Variants in RBMS3 observed in about 807,000 individuals in gnomAD.
RBMS3 encodes RNA binding motif single stranded interacting protein 3.
RBMS3 carries 27 observed loss-of-function variants against 66.8 expected under a neutral mutation model. The observed-to-expected ratio is 0.40, with a 90% CI of 0.30 to 0.56. RBMS3 has a LOEUF of 0.56. RBMS3 is among the 20% of genes least tolerant of loss of function. The pLI is 0.40. For synonymous variants in RBMS3, 188 were observed against 183.0 expected, an observed-to-expected ratio of 1.03 and a Z score of -0.22; for missense variants, 513 against 549.5, an observed-to-expected ratio of 0.93 and a Z score of 0.66.
intron 12 of RBMS3, among the ~76,000 whole-genome samples, chr3:29,949,307 T>C (rs1308095138): frequency 6.6e-6 from 1 of 151,750 alleles, no homozygotes; most frequent in Non-Finnish European, 1.5e-5. Context: ...AGTAAATATT[T>C]TAGGCTTTGC....
intron 4 of RBMS3, among the ~76,000 whole-genome samples, chr3:29,694,576 G>A (rs915270890): frequency 2.0e-5 from 3 of 152,110 alleles, no homozygotes; most frequent in Admixed American, 2.0e-4. Context: ...TTGTATATCC[G>A]TATATGGATG....
chr3:29,665,121 T>G (rs1427773970), intron 4 of RBMS3, among the ~76,000 whole-genome samples: 2 of 152,202 alleles, frequency 1.3e-5, no homozygotes, highest in African/African-American at 4.8e-5. Flanking sequence ...GAATTAAGCA[T>G]ATCCAGTCTT....
chr3:29,901,283 C>T (rs1173418811), intron 10 of RBMS3, among the ~76,000 whole-genome samples: 2 of 151,750 alleles, frequency 1.3e-5, no homozygotes, highest in Non-Finnish European at 2.9e-5. Context: ...GAAGTCCTGC[C>T]AAGTTCTCAA....
intron 3 of RBMS3, among the ~76,000 whole-genome samples, chr3:29,498,820 T>A (rs1225605123): frequency 6.6e-6 from 1 of 152,196 alleles, no homozygotes; most frequent in Non-Finnish European, 1.5e-5. Context: ...TGTATGTAAC[T>A]TACATAATTT....
intron 4 of RBMS3, among the ~76,000 whole-genome samples, chr3:29,677,554 GT>G (rs771836249): frequency 1.3e-5 from 2 of 151,858 alleles, no homozygotes; most frequent in Non-Finnish European, 2.9e-5. Flanking sequence ...CACTTTATAG[GT>G]GACTCATTTT....
At chr3:29,460,518 T>C (rs145118992) in intron 2 of RBMS3, among the ~76,000 whole-genome samples, 182 of 152,324 alleles carry the variant, frequency 1.2e-3, no homozygotes, top group African/African-American at 4.3e-3. Flanking sequence ...ATGAATTGCA[T>C]TTTTAATAAG....
intron 6 of RBMS3, among the ~76,000 whole-genome samples, chr3:29,823,007 C>A (rs889342054): frequency 6.6e-6 from 1 of 152,060 alleles, no homozygotes; most frequent in Non-Finnish European, 1.5e-5. Flanking sequence ...AAAGTAAATA[C>A]CTCACTTTTT....
At chr3:29,611,242 G>T (rs1013693290) in intron 4 of RBMS3, among the ~76,000 whole-genome samples, 6 of 152,014 alleles carry the variant, frequency 3.9e-5, no homozygotes, top group African/African-American at 1.4e-4. Flanking sequence ...ATTTAACAAA[G>T]AAGCCCTGTA....
At chr3:29,342,240 T>A (rs2036319393) in intron 1 of RBMS3, among the ~76,000 whole-genome samples, 1 of 152,142 alleles carries the variant, frequency 6.6e-6, no homozygotes, top group African/African-American at 2.4e-5. Flanking sequence ...ATTTACTAGA[T>A]CATCCGAGGA....
chr3:29,702,370 C>G (rs1020497497), intron 4 of RBMS3, among the ~76,000 whole-genome samples: 1 of 152,164 alleles, frequency 6.6e-6, no homozygotes, highest in Non-Finnish European at 1.5e-5. Context: ...GACCAATCAG[C>G]TCTCTGTTAA....
At chr3:29,531,546 C>G (rs1224068930) in intron 3 of RBMS3, among the ~76,000 whole-genome samples, 2 of 152,212 alleles carry the variant, frequency 1.3e-5, no homozygotes, top group Non-Finnish European at 2.9e-5. Context: ...ACCTTGTCAT[C>G]TCTTTCAGAG....
At chr3:29,815,245 T>C (rs535506846) in intron 6 of RBMS3, among the ~76,000 whole-genome samples, 1 of 152,284 alleles carries the variant, frequency 6.6e-6, no homozygotes, top group African/African-American at 2.4e-5. Flanking sequence ...ATTTCTAGGT[T>C]TCTTATCTGC....
intron 12 of RBMS3, among the ~76,000 whole-genome samples, chr3:29,987,193 T>G (rs556187935): frequency 2.4e-4 from 37 of 152,316 alleles, no homozygotes; most frequent in African/African-American, 8.7e-4. Flanking sequence ...AGAAAACTTG[T>G]CTTTATTTGA....
At chr3:29,984,339 C>G (rs957171075) in intron 12 of RBMS3, among the ~76,000 whole-genome samples, 9 of 151,832 alleles carry the variant, frequency 5.9e-5, no homozygotes, top group African/African-American at 2.2e-4. Flanking sequence ...TCTTAGCTTC[C>G]TTTCATTGGG....
intron 1 of RBMS3, among the ~76,000 whole-genome samples, chr3:29,376,311 A>G (rs2038461965): frequency 6.6e-6 from 1 of 152,210 alleles, no homozygotes; most frequent in Admixed American, 6.5e-5. Flanking sequence ...TTAACAATGT[A>G]ACACACCTGC....
chr3:29,367,950 A>T (rs2037996357), intron 1 of RBMS3, among the ~76,000 whole-genome samples: 1 of 152,174 alleles, frequency 6.6e-6, no homozygotes, highest in African/African-American at 2.4e-5. Context: ...CCCTAAGAAA[A>T]AAAATCAAGA....
At chr3:29,523,731 T>C (rs1208385444) in intron 3 of RBMS3, among the ~76,000 whole-genome samples, 1 of 152,060 alleles carries the variant, frequency 6.6e-6, no homozygotes, top group Non-Finnish European at 1.5e-5. Flanking sequence ...TCTCTTTTTT[T>C]CTTTTTTGCC....
chr3:29,424,845 T>C (rs2125707847), intron 1 of RBMS3, among the ~76,000 whole-genome samples: 1 of 152,238 alleles, frequency 6.6e-6, no homozygotes, highest in South Asian at 2.1e-4. Context: ...AAATGGAAAA[T>C]GCCTCATTAT....
intron 2 of RBMS3, among the ~76,000 whole-genome samples, chr3:29,459,522 G>A (rs1332006353): frequency 6.6e-6 from 1 of 152,088 alleles, no homozygotes; most frequent in Non-Finnish European, 1.5e-5. Flanking sequence ...TGCTTCCTAG[G>A]TATGGGTATT....
Sources: allele counts gnomAD v4.1 joint callset (sites outside exome capture counted in the v4.1 genomes callset), GRCh38; gene constraint gnomAD v4.1.1; transcripts MANE v1.5; gene names NCBI Gene and HGNC (gene_info 2026-07-23, HGNC 2026-07-21).